CSMD1: variants seen among roughly 807,000 people sequenced by gnomAD.
CSMD1 encodes the protein CUB and sushi domain-containing protein 1.
In CSMD1, 213 loss-of-function variants were observed where a neutral mutation model predicts 417.5. That is an observed-to-expected ratio of 0.51 (90% confidence interval 0.46 to 0.57). CSMD1 has a LOEUF of 0.57. Ranked by LOEUF, CSMD1 falls within the 20% of genes least tolerant of loss-of-function variation. The pLI is 0.00. For synonymous variants in CSMD1, 2,862 were observed against 1,736.8 expected (o/e 1.65, Z -16.11); for missense variants, 6,923 against 4,529.7 (o/e 1.53, Z -15.17).
chr8:4,780,460 C>G (rs1040920301), intron 1 of CSMD1, among the ~76,000 whole-genome samples: 1 of 152,194 alleles, frequency 6.6e-6, no homozygotes, highest in Non-Finnish European at 1.5e-5. Flanking sequence ...TACCTATCAT[C>G]TCTCTCTGGC....
At chr8:3,768,322 C>G (rs1231108584) in intron 5 of CSMD1, among the ~76,000 whole-genome samples, 3 of 152,146 alleles carry the variant, frequency 2.0e-5, no homozygotes, top group Non-Finnish European at 2.9e-5. Context: ...GTGAATAATC[C>G]AACCTAACTG....
At chr8:3,968,080 G>C (rs932694111) in intron 5 of CSMD1, among the ~76,000 whole-genome samples, 6 of 150,972 alleles carry the variant, frequency 4.0e-5, no homozygotes, top group African/African-American at 1.2e-4. Flanking sequence ...CCAGCTCCTC[G>C]GCAGGCTGAG....
intron 5 of CSMD1, among the ~76,000 whole-genome samples, chr8:3,983,062 C>G (rs971493098): frequency 1.3e-5 from 2 of 152,064 alleles, no homozygotes; most frequent in South Asian, 2.1e-4. Flanking sequence ...AGTTGGCTGA[C>G]TCTTTTCCCC....
chr8:3,296,631 G>C (rs1563240042), intron 25 of CSMD1, among the ~76,000 whole-genome samples: 1 of 152,170 alleles, frequency 6.6e-6, no homozygotes, highest in Non-Finnish European at 1.5e-5. Context: ...CGTATGTGCT[G>C]AGATGAGCTG....
chr8:4,154,334 C>G (rs1412731328), intron 3 of CSMD1, among the ~76,000 whole-genome samples: 1 of 152,138 alleles, frequency 6.6e-6, no homozygotes, highest in Non-Finnish European at 1.5e-5. Flanking sequence ...AGGATGTAGT[C>G]CAGGAGTATT....
At chr8:3,564,517 T>TTTTGTGTG (rs144757433) in intron 10 of CSMD1, among the ~76,000 whole-genome samples, 1 of 145,392 alleles carries the variant, frequency 6.9e-6, no homozygotes, top group African/African-American at 2.6e-5. Context: ...CACAGTATAT[T>TTTTGTGTG]TGTGTGTGTG....
chr8:3,703,951 C>A (rs2624061), intron 7 of CSMD1, among the ~76,000 whole-genome samples: 3 of 151,984 alleles, frequency 2.0e-5, no homozygotes, highest in Non-Finnish European at 2.9e-5. Flanking sequence ...CACACCTGTA[C>A]TCCCTGCTAT....
chr8:3,557,573 C>A (rs1363094832), intron 10 of CSMD1, among the ~76,000 whole-genome samples: 1 of 151,912 alleles, frequency 6.6e-6, no homozygotes, highest in African/African-American at 2.4e-5. Flanking sequence ...GTGAGCAAGT[C>A]CTGAATTGGC....
At chr8:3,526,689 G>A (rs952399858) in intron 10 of CSMD1, among the ~76,000 whole-genome samples, 1 of 152,250 alleles carries the variant, frequency 6.6e-6, no homozygotes, top group Middle Eastern at 3.4e-3. Flanking sequence ...AAAAGATCTG[G>A]CTTCAAAGCC....
At chr8:3,458,084 T>C (rs1816271085) in intron 12 of CSMD1, among the ~76,000 whole-genome samples, 1 of 152,226 alleles carries the variant, frequency 6.6e-6, no homozygotes, top group African/African-American at 2.4e-5. Context: ...CCAGGAAGTT[T>C]GCTCTAACGT....
intron 10 of CSMD1, among the ~76,000 whole-genome samples, chr8:3,521,182 A>G (rs183824582): frequency 6.6e-6 from 1 of 151,868 alleles, no homozygotes; most frequent in African/African-American, 2.4e-5. Context: ...GGTTAACTCT[A>G]TTTTTTTCAC....
chr8:4,088,821 C>A (rs543404549), intron 3 of CSMD1, among the ~76,000 whole-genome samples: 2 of 152,250 alleles, frequency 1.3e-5, no homozygotes, highest in South Asian at 4.2e-4. Context: ...CATGTGGACT[C>A]ATCCCTCCCT....
At chr8:4,787,509 A>C (rs1585097661) in intron 1 of CSMD1, 1 of 998,962 alleles carries the variant, frequency 1.0e-6, no homozygotes, top group Non-Finnish European at 1.6e-6. Flanking sequence ...TGTATTTTTC[A>C]GTTATTATAG....
intron 5 of CSMD1, among the ~76,000 whole-genome samples, chr8:3,970,515 T>G (rs1813006168): frequency 6.6e-6 from 1 of 152,162 alleles, no homozygotes; most frequent in Non-Finnish European, 1.5e-5. Flanking sequence ...TTTTAAGGAC[T>G]CCAGGAGGAC....
At chr8:4,639,600 A>C (rs951322604) in intron 1 of CSMD1, among the ~76,000 whole-genome samples, 3 of 152,196 alleles carry the variant, frequency 2.0e-5, no homozygotes, top group African/African-American at 7.2e-5. Context: ...AATATTGAGA[A>C]AGTTTTGAAG....
At chr8:3,366,416 T>C (rs35787098) in intron 20 of CSMD1, among the ~76,000 whole-genome samples, 34,739 of 152,176 alleles carry the variant, frequency 0.23, 4,017 homozygotes, top group Middle Eastern at 0.28. Flanking sequence ...CATAGAACTA[T>C]ACAAATTAAA....
chr8:4,912,071 C>T (rs1805713157), intron 1 of CSMD1, among the ~76,000 whole-genome samples: 1 of 139,658 alleles, frequency 7.2e-6, no homozygotes, highest in Non-Finnish European at 1.5e-5. Context: ...ACCTAAATCC[C>T]AGTTCTTTCC....
intron 3 of CSMD1, among the ~76,000 whole-genome samples, chr8:4,089,812 T>A (rs1331724341): frequency 6.6e-6 from 1 of 152,076 alleles, no homozygotes; most frequent in Non-Finnish European, 1.5e-5. Context: ...GTGTGTTTGG[T>A]CTTGGAGGGT....
intron 5 of CSMD1, among the ~76,000 whole-genome samples, chr8:3,961,924 C>T (rs1005171105): frequency 1.3e-5 from 2 of 152,164 alleles, no homozygotes; most frequent in African/African-American, 4.8e-5. Context: ...AACGAATGGG[C>T]TTGGGCGCTT....
Sources: gnomAD v4.1 joint callset for allele counts (sites outside exome capture counted in the v4.1 genomes callset) on GRCh38, gnomAD v4.1.1 for gene constraint, MANE v1.5 for transcripts, NCBI Gene and HGNC (gene_info 2026-07-23, HGNC 2026-07-21) for gene names.